Variants in CFAP61 observed in about 807,000 individuals in gnomAD.
The protein encoded by CFAP61 is cilia and flagella associated protein 61.
CFAP61 carries 107 observed loss-of-function variants against 135.6 expected under a neutral mutation model. The ratio of observed to expected loss-of-function variants is 0.79; its 90% CI spans 0.67 to 0.93. The LOEUF is 0.93. CFAP61 is among the 40% of genes least tolerant of loss of function. CFAP61 has a pLI of 0.00. For synonymous variants in CFAP61, 575 were observed against 578.5 expected (o/e 0.99, Z 0.09); for missense variants, 1,507 against 1,556.2 (o/e 0.97, Z 0.53).
chr20:20,082,646 G>A (rs778438598), intron 6 of CFAP61, among the ~76,000 whole-genome samples: 7 of 152,178 alleles, frequency 4.6e-5, no homozygotes, highest in African/African-American at 1.2e-4. Context: ...TTCAAACAAT[G>A]TTGTGAAATA....
At chr20:20,356,127 A>G (rs62200215) in intron 26 of CFAP61, among the ~76,000 whole-genome samples, 69,904 of 76,450 alleles carry the variant, frequency 0.91, 32,768 homozygotes, top group Non-Finnish European at 0.99. Flanking sequence ...GAGGGGAGGT[A>G]GTCACACTGA....
chr20:20,329,550 A>T (rs1306009022), intron 25 of CFAP61, among the ~76,000 whole-genome samples: 1 of 152,132 alleles, frequency 6.6e-6, no homozygotes, highest in Non-Finnish European at 1.5e-5. Flanking sequence ...TAGCCTCAAC[A>T]TGGCTTCCAG....
At chr20:20,293,402 G>T (rs1403270528) in intron 24 of CFAP61, among the ~76,000 whole-genome samples, 2 of 152,138 alleles carry the variant, frequency 1.3e-5, no homozygotes, top group African/African-American at 4.8e-5. Flanking sequence ...TAGTACAGAA[G>T]ATCTAAACAG....
At chr20:20,292,339 G>A (rs942775481) in intron 24 of CFAP61, among the ~76,000 whole-genome samples, 8 of 152,152 alleles carry the variant, frequency 5.3e-5, no homozygotes, top group African/African-American at 1.7e-4. Flanking sequence ...ATTTCCCTTA[G>A]CCCTTTCCCA....
intron 25 of CFAP61, among the ~76,000 whole-genome samples, chr20:20,303,627 G>A (rs2056243614): frequency 6.6e-6 from 1 of 152,112 alleles, no homozygotes; most frequent in Non-Finnish European, 1.5e-5. Context: ...AGACTGGCTG[G>A]CGAGGCTCTT....
chr20:20,336,206 C>T (rs903417825), intron 25 of CFAP61, among the ~76,000 whole-genome samples: 4 of 152,180 alleles, frequency 2.6e-5, no homozygotes, highest in African/African-American at 7.2e-5. Flanking sequence ...AGCACAGCCA[C>T]ATCTTACTAA....
intron 20 of CFAP61, among the ~76,000 whole-genome samples, chr20:20,260,349 A>G (rs774653575): frequency 6.6e-6 from 1 of 152,238 alleles, no homozygotes; most frequent in Non-Finnish European, 1.5e-5. Context: ...CATTCAATGA[A>G]AGAACACAGT....
At position 20,290,347 on chromosome 20, in the gene CFAP61, G is replaced by T; in HGVS notation, c.3172G>T (p.Ala1058Ser). The T allele has an allele frequency of 6.2e-7, 1 of 1,613,538 alleles. No homozygotes were observed. Among genetic ancestry groups the T allele is most frequent in the Non-Finnish European group, 8.5e-7 (1 of 1,179,408 alleles). Reference protein sequence around the residue: ...SYHYLHIAKPAIPTPLEVQMA... With the variant: ...SYHYLHIAKPSIPTPLEVQMA... ...CCATTATCTGCATATTGCCAAGCCT[G>T]CCATTCCAACTCCCTTGGAGGTACA... The change falls in exon 24 of 27, where the codon GCC (alanine) becomes TCC (serine). Residue 1058 changes from alanine to serine, a missense_variant. Physicochemically the swap from Ala to Ser is moderately conservative, Grantham distance 99. Transcript: ENST00000245957.
chr20:20,233,280 TAGTC>T lies in CFAP61; in HGVS notation c.2060+4908_2060+4911del, dbSNP rs368801072. On this transcript the variant is annotated intron_variant, in intron 18 of 26. Coordinates refer to ENST00000245957, the MANE Select transcript of CFAP61 (RefSeq NM_015585.4). ...GTCACTAATTAGGTGACTAATTAAA[TAGTC>T]AGTGCTTCCTTGCTGATCTCAGAGC... Among the ~76,000 whole-genome samples, 660 of 152,328 alleles carry T rather than the reference TAGTC, an allele frequency of 4.3e-3. 11 individuals are homozygous for T. Among genetic ancestry groups the T allele is most frequent in the African/African-American group, 0.015 (634 of 41,570 alleles).
At chr20:20,308,319 C>T (rs976113109) in intron 25 of CFAP61, among the ~76,000 whole-genome samples, 11 of 152,096 alleles carry the variant, frequency 7.2e-5, no homozygotes, top group South Asian at 2.1e-4. Flanking sequence ...CTATCAGATG[C>T]GTGCTCAGTG....
intron 9 of CFAP61, among the ~76,000 whole-genome samples, chr20:20,158,888 T>C (rs11697807): frequency 0.13 from 19,452 of 152,240 alleles, 1,414 homozygotes; most frequent in Non-Finnish European, 0.15. Flanking sequence ...TATATGTAGC[T>C]TATTGTATGT....
chr20:20,165,651 G>A (rs2053769044), intron 11 of CFAP61, among the ~76,000 whole-genome samples: 1 of 152,112 alleles, frequency 6.6e-6, no homozygotes, highest in Non-Finnish European at 1.5e-5. Flanking sequence ...TCTCGAAGAG[G>A]AAATAATTGG....
chr20:20,342,602 C>T (rs1003141405), intron 26 of CFAP61, among the ~76,000 whole-genome samples: 7 of 152,188 alleles, frequency 4.6e-5, no homozygotes, highest in East Asian at 1.9e-4. Flanking sequence ...AGCCAAGTGC[C>T]GGGGCCTGGG....
intron 13 of CFAP61, among the ~76,000 whole-genome samples, chr20:20,180,729 A>AATAG (rs2055004389): frequency 6.6e-6 from 1 of 152,194 alleles, no homozygotes. Context: ...AGCACTATTC[A>AATAG]CAATAGCAAA....
At chr20:20,121,378 G>T (rs771176859) in intron 8 of CFAP61, among the ~76,000 whole-genome samples, 13 of 151,772 alleles carry the variant, frequency 8.6e-5, no homozygotes, top group Non-Finnish European at 1.8e-4. Context: ...CAAAGTGCTG[G>T]GATTATAGGT....
intron 2 of CFAP61, among the ~76,000 whole-genome samples, chr20:20,062,027 G>A (rs1405217672): frequency 2.6e-5 from 4 of 152,182 alleles, no homozygotes; most frequent in East Asian, 3.9e-4. Context: ...GATCTTGGGA[G>A]CCTTGCACTA....
chr20:20,165,332 C>T (rs971212009), intron 11 of CFAP61, among the ~76,000 whole-genome samples: 39 of 152,294 alleles, frequency 2.6e-4, no homozygotes, highest in Admixed American at 2.4e-3. Context: ...AGAAGATGGG[C>T]TCCATCCCTT....
chr20:20,263,029 G>C lies in CFAP61; in HGVS notation c.2402G>C (p.Arg801Pro), dbSNP rs567725378. 3 of 1,613,610 alleles carry C rather than the reference G, an allele frequency of 1.9e-6. No individual in the cohort carries two copies. Among genetic ancestry groups the C allele is most frequent in the Non-Finnish European group, 2.5e-6 (3 of 1,179,844 alleles). Residue 801 changes from arginine to proline, a missense_variant, in exon 21 of 27, where the codon CGG (arginine) becomes CCG (proline). By Grantham distance (103) the Arg-to-Pro change is moderately radical (BLOSUM62 -2). Transcript: ENST00000245957. Reference sequence around the variant, plus strand: ...GAGGTTCCCAACAGCAGTCAGCGGCGGTACACGGGGAAAGTTCCTTGCAAC... The same window carrying C: ...GAGGTTCCCAACAGCAGTCAGCGGCCGTACACGGGGAAAGTTCCTTGCAAC... ...NREVPNSSQR[R>P]YTGKVPCNHF...
chr20:20,326,052 T>C (rs2057734741), intron 25 of CFAP61, among the ~76,000 whole-genome samples: 2 of 152,214 alleles, frequency 1.3e-5, no homozygotes, highest in South Asian at 4.1e-4. Flanking sequence ...CAAACCATCC[T>C]CCTGTGTGGC....
Sources: allele counts gnomAD v4.1 joint callset (sites outside exome capture counted in the v4.1 genomes callset), GRCh38; gene constraint gnomAD v4.1.1; transcripts MANE v1.5; gene names NCBI Gene and HGNC (gene_info 2026-07-23, HGNC 2026-07-21).